Variants in NFKBIL1 observed in about 807,000 individuals in gnomAD.
NFKBIL1 encodes NF-kappa-B inhibitor-like protein 1.
A neutral mutation model predicts 45.4 loss-of-function variants in NFKBIL1; 30 were observed. The ratio of observed to expected loss-of-function variants is 0.66; its 90% CI spans 0.49 to 0.90. NFKBIL1 has a LOEUF of 0.90. Ranked by LOEUF, NFKBIL1 falls within the 40% of genes least tolerant of loss-of-function variation. The pLI, the probability that NFKBIL1 is intolerant of heterozygous loss-of-function variation, is 0.00. For synonymous variants in NFKBIL1, 179 were observed against 197.3 expected, an observed-to-expected ratio of 0.91 and a Z score of 0.78; for missense variants, 434 against 513.4, an observed-to-expected ratio of 0.85 and a Z score of 1.49.
Position 31,558,723 on chromosome 6 carries a change from G to T in NFKBIL1, c.*112G>T, listed in dbSNP as rs1769932235. On this transcript the variant is annotated 3_prime_UTR_variant, in exon 4 of 4. Transcript: ENST00000376148. The surrounding 1 kb of genome is among the most constrained non-coding windows in gnomAD (Gnocchi z 7.2). The stretch of plus-strand genomic sequence containing the variant: ...AAGAGCCAGGTGCTGCTCAGCAGAG[G>T]ATATGGGTGGGAGCGAAAGTTGTAA... 5 of 923,952 alleles carry T rather than the reference G, an allele frequency of 5.4e-6. No individual in the cohort carries two copies. The Admixed American group carries it at 1.1e-4, about 21-fold the overall frequency. 57.2% of individuals were successfully genotyped at this position (923,952 alleles called of 1,614,324 possible).
In NFKBIL1 at chr6:31,558,398, G is replaced by C. The variant is rs1360420695; in HGVS notation, c.933G>C (p.Glu311Asp). 1 of 1,551,018 alleles carries C rather than the reference G, an allele frequency of 6.4e-7. No homozygotes were observed. Among genetic ancestry groups the C allele is most frequent in the East Asian group, 2.4e-5 (1 of 41,230 alleles). ...CCTGCCCTGGGGGAGGGGACCCAGA[G>C]GCCATGGCTGCAGCCCTGGTGGCCA... ...PWPCPGGGDP[E>D]AMAAALVARG... Residue 311 changes from glutamate to aspartate, a missense_variant, in exon 4 of 4, where the codon GAG (glutamate) becomes GAC (aspartate). Physicochemically the swap from Glu to Asp is conservative, Grantham distance 45. Transcript: ENST00000376148. The surrounding 1 kb of genome is among the most constrained non-coding windows in gnomAD (Gnocchi z 7.2).
chr6:31,558,376 G>A lies in NFKBIL1; in HGVS notation c.911G>A (p.Cys304Tyr), dbSNP rs1192553202. 6.4e-7 allele frequency: 1 copy of A among 1,551,796 alleles called. No homozygotes were observed. Among genetic ancestry groups the A allele is most frequent in the Non-Finnish European group, 8.7e-7 (1 of 1,146,926 alleles). Reference protein sequence around the residue: ...LWRFGDVPWPCPGGGDPEAMA... With the variant: ...LWRFGDVPWPYPGGGDPEAMA... ...CGATTTGGTGATGTGCCCTGGCCCT[G>A]CCCTGGGGGAGGGGACCCAGAGGCC... Residue 304 changes from cysteine to tyrosine, a missense_variant, in exon 4 of 4, where the codon TGC becomes TAC. Physicochemically the swap from Cys to Tyr is radical, Grantham distance 194. Around this residue, in one of 4 missense-constraint regions of NFKBIL1, gnomAD observed 128 missense variants for 106.5 expected, o/e 1.20. Coordinates refer to ENST00000376148, the MANE Select transcript of NFKBIL1 (RefSeq NM_005007.4). This position sits in a 1 kb window ranked among gnomAD's most constrained non-coding sequence, Gnocchi z 7.2.
In NFKBIL1 at chr6:31,557,200, C is replaced by G. The variant is rs969700494; in HGVS notation, c.335-428C>G. Among the ~76,000 whole-genome samples, 1 of 151,590 alleles carries G rather than the reference C, an allele frequency of 6.6e-6. No individual in the cohort carries two copies. The highest frequency in any genetic ancestry group is 2.4e-5 in the African/African-American group (1 of 41,112). On this transcript the variant is annotated intron_variant, in intron 2 of 3. Coordinates refer to ENST00000376148, the MANE Select transcript of NFKBIL1 (RefSeq NM_005007.4). The surrounding 1 kb of genome is among the most constrained non-coding windows in gnomAD (Gnocchi z 5.4). ...TCGGCTTACTACAAGCTCCACCTCC[C>G]GGGTTCACATCATTCTCCTGCCTCA...
chr6:31,556,991 T>C (rs1769774888), intron 2 of NFKBIL1, among the ~76,000 whole-genome samples: 1 of 152,212 alleles, frequency 6.6e-6, no homozygotes, highest in African/African-American at 2.4e-5. Flanking sequence ...AAAAGTGGAA[T>C]ACATAGTCAA....
chr6:31,549,213 G>A (rs915685171), intron 2 of NFKBIL1, among the ~76,000 whole-genome samples: 5 of 152,034 alleles, frequency 3.3e-5, no homozygotes, highest in Admixed American at 2.6e-4. Context: ...TAAGCACTTG[G>A]TATATGCTGG....
rs1032751608 is a variant in NFKBIL1 at position 31,558,766 on chromosome 6, T to G, written c.*155T>G. 7.0e-4 allele frequency: 373 copies of G among 533,396 alleles called. No individual in the cohort carries two copies. Among genetic ancestry groups the G allele is most frequent in the East Asian group, 9.6e-4 (28 of 29,138 alleles). 33.0% of individuals were successfully genotyped at this position (533,396 alleles called of 1,614,324 possible). On this transcript the variant is annotated 3_prime_UTR_variant, in exon 4 of 4. Transcript: ENST00000376148. The surrounding 1 kb of genome is among the most constrained non-coding windows in gnomAD (Gnocchi z 7.2). Reference sequence around the variant, plus strand: ...AGTTGTAACAAGTGGGGGTGGGGGGTGCGGGCCGCCACCACTGCTCCTTGA... The same window carrying G: ...AGTTGTAACAAGTGGGGGTGGGGGGGGCGGGCCGCCACCACTGCTCCTTGA...
At chr6:31,549,480 G>T (rs1290377161) in intron 2 of NFKBIL1, among the ~76,000 whole-genome samples, 1 of 149,124 alleles carries the variant, frequency 6.7e-6, no homozygotes, top group Non-Finnish European at 1.5e-5. Flanking sequence ...TCGAATGCCT[G>T]ACCTCAGGTG....
intron 2 of NFKBIL1, among the ~76,000 whole-genome samples, chr6:31,550,910 C>G (rs180692881): frequency 6.6e-6 from 1 of 152,316 alleles, no homozygotes; most frequent in African/African-American, 2.4e-5. Flanking sequence ...TGGTCTCAAA[C>G]TCCCGACCTC....
intron 2 of NFKBIL1, among the ~76,000 whole-genome samples, chr6:31,555,178 A>G (rs1769647235): frequency 6.6e-6 from 1 of 151,838 alleles, no homozygotes; most frequent in Non-Finnish European, 1.5e-5. Context: ...AGCCACCTAC[A>G]GCCCCACCAC....
Position 31,558,731 on chromosome 6 carries a change from T to A in NFKBIL1, c.*120T>A, listed in dbSNP as rs1442802312. 3.6e-6 allele frequency: 3 copies of A among 825,108 alleles called. No homozygotes were observed. Among genetic ancestry groups the A allele is most frequent in the African/African-American group, 3.5e-5 (2 of 57,354 alleles). The allele number at this position is 825,108 out of a possible 1,614,324, so 51.1% of individuals were successfully genotyped here. On this transcript the variant is annotated 3_prime_UTR_variant, in exon 4 of 4. Coordinates refer to ENST00000376148, the MANE Select transcript of NFKBIL1 (RefSeq NM_005007.4). This position sits in a 1 kb window ranked among gnomAD's most constrained non-coding sequence, Gnocchi z 7.2. ...GGTGCTGCTCAGCAGAGGATATGGG[T>A]GGGAGCGAAAGTTGTAACAAGTGGG...
At chr6:31,555,485 G>A (rs373006213) in intron 2 of NFKBIL1, among the ~76,000 whole-genome samples, 2 of 150,810 alleles carry the variant, frequency 1.3e-5, no homozygotes, top group African/African-American at 2.4e-5. Context: ...TGATCCACCC[G>A]CCTCAGCCTC....
At chr6:31,553,950 C>T (rs1286045873) in intron 2 of NFKBIL1, among the ~76,000 whole-genome samples, 4 of 152,028 alleles carry the variant, frequency 2.6e-5, no homozygotes, top group African/African-American at 9.7e-5. Context: ...CATGAGCCAC[C>T]GCGCCTGGCC....
At chr6:31,547,294 T>C (rs1374066438), upstream of NFKBIL1, among the ~76,000 whole-genome samples, 2 of 152,074 alleles carry the variant, frequency 1.3e-5, no homozygotes, top group Non-Finnish European at 2.9e-5. Flanking sequence ...TCCTCTATTT[T>C]CTCTGTCTTC....
At chr6:31,550,743 G>A (rs1394402488) in intron 2 of NFKBIL1, among the ~76,000 whole-genome samples, 1 of 152,184 alleles carries the variant, frequency 6.6e-6, no homozygotes, top group Non-Finnish European at 1.5e-5. Context: ...AGGCTAGAGT[G>A]CAATGGCGCG....
rs754451682 is a variant in NFKBIL1, at chr6:31,548,375, C to T, written c.270C>T (p.Asp90=). 6.4e-7 allele frequency: 1 copy of T among 1,569,542 alleles called. No homozygotes were observed. The highest frequency in any genetic ancestry group is 1.2e-5 in the South Asian group (1 of 86,464). Residue 90 remains aspartate (D), a synonymous_variant, in exon 2 of 4, where the codon GAC becomes GAT. Coordinates refer to ENST00000376148, the MANE Select transcript of NFKBIL1 (RefSeq NM_005007.4). ...GCCTGCTGCTTCGGCTCGGGGCTGACCCTGCCCACCAGGACCGCCATGGGG... is the reference window on the plus strand; with the variant it reads ...GCCTGCTGCTTCGGCTCGGGGCTGATCCTGCCCACCAGGACCGCCATGGGG... The part of the protein sequence containing the change: ...ALCLLLRLGA[D]PAHQDRHGDT...
At position 31,547,735 on chromosome 6, in the gene NFKBIL1, C is replaced by T. The variant is rs1405196204; in HGVS notation, c.41C>T (p.Ser14Phe). The change falls in exon 1 of 4, where the codon TCC becomes TTC. Residue 14 changes from serine to phenylalanine, a missense_variant. Physicochemically the swap from Ser to Phe is radical, Grantham distance 155 (BLOSUM62 -2). Coordinates refer to ENST00000376148, the MANE Select transcript of NFKBIL1 (RefSeq NM_005007.4). Reference sequence around the variant, plus strand: ...CCCCAGGTTCCAGAGGAAGAAGCCTCCACATCTGTCTGCCGGGTACATGAT... The same window carrying T: ...CCCCAGGTTCCAGAGGAAGAAGCCTTCACATCTGTCTGCCGGGTACATGAT... ...PSPQVPEEEA[S>F]TSVCRPKSSM... 3 of 1,611,886 alleles carry T rather than the reference C, an allele frequency of 1.9e-6. No homozygotes were observed. Among genetic ancestry groups the T allele is most frequent in the East Asian group, 2.2e-5 (1 of 44,860 alleles).
chr6:31,558,753 T>G lies in NFKBIL1; in HGVS notation c.*142T>G, dbSNP rs1293168332. 1.1e-3 allele frequency: 575 copies of G among 539,254 alleles called. No homozygotes were observed. The highest frequency in any genetic ancestry group is 1.2e-3 in the East Asian group (33 of 26,594). The allele number at this position is 539,254 out of a possible 1,614,324, so 33.4% of individuals were successfully genotyped here. On this transcript the variant is annotated 3_prime_UTR_variant, in exon 4 of 4. Coordinates refer to ENST00000376148, the MANE Select transcript of NFKBIL1 (RefSeq NM_005007.4). This position sits in a 1 kb window ranked among gnomAD's most constrained non-coding sequence, Gnocchi z 7.2. Reference sequence around the variant, plus strand: ...GGGTGGGAGCGAAAGTTGTAACAAGTGGGGGTGGGGGGTGCGGGCCGCCAC... The same window carrying G: ...GGGTGGGAGCGAAAGTTGTAACAAGGGGGGGTGGGGGGTGCGGGCCGCCAC...
rs1212020958 is a variant in NFKBIL1, at chr6:31,557,231, C to CTGAGGG, written c.335-397_335-396insTGAGGG. Reference sequence around the variant, plus strand: ...CACATCATTCTCCTGCCTCAGCCTGCCGAGTAGCTGGGACTGCAGGCGCCC... The same window carrying CTGAGGG: ...CACATCATTCTCCTGCCTCAGCCTGCTGAGGGCGAGTAGCTGGGACTGCAGGCGCCC... On this transcript the variant is annotated intron_variant, in intron 2 of 3. Transcript: ENST00000376148. This position sits in a 1 kb window ranked among gnomAD's most constrained non-coding sequence, Gnocchi z 5.4. 3.9e-3 allele frequency among the ~76,000 whole-genome samples: 597 copies of CTGAGGG among 152,044 alleles called. 4 individuals are homozygous for CTGAGGG. Among genetic ancestry groups the CTGAGGG allele is most frequent in the African/African-American group, 0.013 (530 of 41,444 alleles).
Position 31,558,217 on chromosome 6 carries a change from G to T in NFKBIL1, c.752G>T (p.Arg251Leu). 5 of 1,597,690 alleles carry T rather than the reference G, an allele frequency of 3.1e-6. No individual in the cohort carries two copies. The highest frequency in any genetic ancestry group is 4.3e-6 in the Non-Finnish European group (5 of 1,172,972). Reference sequence around the variant, plus strand: ...CAGCGGCTCTTCAGGGAGCGAGCCCGGGCCAAGGAGGAAGAGCTGCGTGAG... The same window carrying T: ...CAGCGGCTCTTCAGGGAGCGAGCCCTGGCCAAGGAGGAAGAGCTGCGTGAG... ...EEQRLFRERA[R>L]AKEEELRESR... The change falls in exon 4 of 4, where the codon CGG (arginine) becomes CTG (leucine). Residue 251 changes from arginine to leucine, a missense_variant. Physicochemically the swap from Arg to Leu is moderately radical, Grantham distance 102 (BLOSUM62 -2). Around this residue, in one of 4 missense-constraint regions of NFKBIL1, gnomAD observed 128 missense variants for 106.5 expected, o/e 1.20. Transcript: ENST00000376148. This position sits in a 1 kb window ranked among gnomAD's most constrained non-coding sequence, Gnocchi z 7.2.
Sources: allele counts gnomAD v4.1 joint callset (sites outside exome capture counted in the v4.1 genomes callset), GRCh38; gene constraint gnomAD v4.1.1; regional missense constraint gnomAD v4.1.1; non-coding constraint Gnocchi (gnomAD v3.1); transcripts MANE v1.5; gene names NCBI Gene and HGNC (gene_info 2026-07-23, HGNC 2026-07-21).